The following MCTP1 variants were observed in gnomAD, a reference collection of about 807,000 sequenced individuals.
The protein encoded by MCTP1 is multiple C2 and transmembrane domain-containing protein 1.
In MCTP1, 69 loss-of-function variants were observed where a neutral mutation model predicts 120.6. The ratio of observed to expected loss-of-function variants is 0.57; its 90% CI spans 0.47 to 0.70. MCTP1 has a LOEUF of 0.70. Ranked by LOEUF, MCTP1 falls within the 30% of genes least tolerant of loss-of-function variation. The pLI is 0.00. For missense variants in MCTP1, 1,203 were observed against 1,248.8 expected, an observed-to-expected ratio of 0.96 and a Z score of 0.55; for synonymous variants, 529 against 493.1, an observed-to-expected ratio of 1.07 and a Z score of -0.96.
intron 1 of MCTP1, among the ~76,000 whole-genome samples, chr5:95,065,245 A>G (rs2152139064): frequency 6.6e-6 from 1 of 152,136 alleles, no homozygotes; most frequent in Non-Finnish European, 1.5e-5. Context: ...GTAGCATAAA[A>G]ATTTATCATT....
chr5:94,756,419 G>T (rs1016515048), intron 19 of MCTP1, among the ~76,000 whole-genome samples: 7 of 152,330 alleles, frequency 4.6e-5, no homozygotes, highest in African/African-American at 1.7e-4. Context: ...TTATGGGAAT[G>T]AAAAGGAGAG....
At chr5:95,080,600 G>T (rs1288540169) in intron 1 of MCTP1, among the ~76,000 whole-genome samples, 1 of 152,120 alleles carries the variant, frequency 6.6e-6, no homozygotes, top group Admixed American at 6.5e-5. Flanking sequence ...TTAAATATGA[G>T]TATGCAAAGT....
chr5:95,231,234 G>A (rs1754905058), intron 1 of MCTP1, among the ~76,000 whole-genome samples: 1 of 151,918 alleles, frequency 6.6e-6, no homozygotes, highest in Non-Finnish European at 1.5e-5. Context: ...ACACATTTAT[G>A]GTAATAAAGA....
rs192425815 is a variant in MCTP1, at chr5:95,203,665, G to C, written c.720+80191C>G. ...AATTCATAAGTTAGTAAGTACATGA[G>C]TGAGTGAAAGAAAGCCAGTAAAACA... On this transcript the variant is annotated intron_variant, in intron 1 of 22. Transcript: ENST00000515393. Among the ~76,000 whole-genome samples the C allele has an allele frequency of 2.7e-3, 414 of 152,318 alleles. 3 individuals are homozygous for C. The highest frequency in any genetic ancestry group is 4.4e-3 in the Non-Finnish European group (299 of 68,036).
intron 2 of MCTP1, among the ~76,000 whole-genome samples, chr5:94,986,956 C>T (rs1040306955): frequency 3.9e-5 from 6 of 152,168 alleles, no homozygotes; most frequent in African/African-American, 1.4e-4. Context: ...TATTTGCATA[C>T]AACCTACATG....
chr5:95,213,672 A>G (rs1752676410), intron 1 of MCTP1, among the ~76,000 whole-genome samples: 1 of 151,678 alleles, frequency 6.6e-6, no homozygotes, highest in Admixed American at 6.6e-5. Context: ...AGAGATATAG[A>G]TCAATGGAAC....
rs1316747303 is a variant in MCTP1 at position 94,923,984 on chromosome 5, G to C, written c.1250C>G (p.Ser417Cys). The change falls in exon 7 of 23, where the codon TCT (serine) becomes TGT (cysteine). Residue 417 changes from serine to cysteine, a missense_variant. By Grantham distance (112) the Ser-to-Cys change is moderately radical (BLOSUM62 -1). Around this residue, in one of 2 missense-constraint regions of MCTP1, gnomAD observed 740 missense variants for 871.1 expected, o/e 0.85. Coordinates refer to ENST00000515393, the MANE Select transcript of MCTP1 (RefSeq NM_024717.7). ...TACCCTCCAAAAGAGAGACTTCACA[G>C]AGAAATAAGATCCAACCACTTCATT... is the stretch of plus-strand genomic sequence containing the variant. ...SENEVVGSYF[S>C]VKSLFWRTCG... 5.9e-6 allele frequency: 9 copies of C among 1,523,856 alleles called. No individual in the cohort carries two copies. The highest frequency in any genetic ancestry group is 7.9e-6 in the Non-Finnish European group (9 of 1,141,184). The allele number at this position is 1,523,856 out of a possible 1,614,324, so 94.4% of individuals were successfully genotyped here. A position where few individuals can be genotyped will look rare whatever the true frequency, so the allele number is the denominator to read the frequency against.
chr5:95,115,270 C>A (rs1006810286), intron 1 of MCTP1, among the ~76,000 whole-genome samples: 1 of 151,992 alleles, frequency 6.6e-6, no homozygotes, highest in African/African-American at 2.4e-5. Flanking sequence ...ATAATCTCAC[C>A]AAATCAACTA....
In MCTP1 at chr5:95,229,610, G is replaced by A. The variant is rs531826333; in HGVS notation, c.720+54246C>T. Among the ~76,000 whole-genome samples, 102 of 152,096 alleles carry A rather than the reference G, an allele frequency of 6.7e-4. 1 individual carries two copies. The highest frequency in any genetic ancestry group is 2.4e-3 in the African/African-American group (101 of 41,492). ...AAAAATACACCACAGGTGTGGTGGCGGGCGCCTGTAATCTCAGCTACTCAA... is the reference window on the plus strand; with the variant it reads ...AAAAATACACCACAGGTGTGGTGGCAGGCGCCTGTAATCTCAGCTACTCAA... On this transcript the variant is annotated intron_variant, in intron 1 of 22. Transcript: ENST00000515393.
In MCTP1 at chr5:95,147,681, G is replaced by A. The variant is rs1048277062; in HGVS notation, c.721-130197C>T. Among the ~76,000 whole-genome samples the A allele has an allele frequency of 1.2e-4, 18 of 152,164 alleles. No homozygotes were observed. The East Asian group carries it at 2.5e-3, about 21-fold the overall frequency. ...TGCCACTCTATGCTTTTTAAGTGGG[G>A]GGCTTAGATCATTTATATTCATGGT... On this transcript the variant is annotated intron_variant, in intron 1 of 22. Coordinates refer to ENST00000515393, the MANE Select transcript of MCTP1 (RefSeq NM_024717.7).
intron 17 of MCTP1, among the ~76,000 whole-genome samples, chr5:94,859,646 C>T (rs1012416170): frequency 2.6e-5 from 4 of 151,674 alleles, no homozygotes; most frequent in Non-Finnish European, 5.9e-5. Flanking sequence ...CATACTGACA[C>T]TCTTTAAGTT....
chr5:95,005,795 CAG>C, intron 2 of MCTP1, among the ~76,000 whole-genome samples: 1 of 150,718 alleles, frequency 6.6e-6, no homozygotes, highest in African/African-American at 2.4e-5. Flanking sequence ...TACCAAGTCT[CAG>C]GTAGTTCTTT....
At chr5:95,242,723 A>G (rs1425288316) in intron 1 of MCTP1, among the ~76,000 whole-genome samples, 1 of 152,204 alleles carries the variant, frequency 6.6e-6, no homozygotes, top group African/African-American at 2.4e-5. Context: ...AAGTCAGATC[A>G]GTGGTAGCCT....
intron 18 of MCTP1, 64 bp downstream of exon 18, chr5:94,798,949 G>C: frequency 2.6e-6 from 4 of 1,530,736 alleles, no homozygotes; most frequent in Non-Finnish European, 3.5e-6. Context: ...ATTCAATGTT[G>C]ATCTTGTCAG....
chr5:94,708,216 T>A (rs938209473), intron 22 of MCTP1: 2 of 204,918 alleles, frequency 9.8e-6, no homozygotes, highest in African/African-American at 4.6e-5. Flanking sequence ...CCTGGTTTCC[T>A]CCCCTCAGGT....
chr5:95,075,966 G>A (rs966970567), intron 1 of MCTP1, among the ~76,000 whole-genome samples: 1 of 152,168 alleles, frequency 6.6e-6, no homozygotes, highest in Non-Finnish European at 1.5e-5. Context: ...ATTCTTTGCA[G>A]CTATTTACAC....
At chr5:95,271,981 T>C (rs1422426332) in intron 1 of MCTP1, among the ~76,000 whole-genome samples, 1 of 152,184 alleles carries the variant, frequency 6.6e-6, no homozygotes, top group Non-Finnish European at 1.5e-5. Context: ...AAGCCATTTG[T>C]AAAAATTATT....
At chr5:95,072,789 A>G (rs1483522453) in intron 1 of MCTP1, among the ~76,000 whole-genome samples, 1 of 113,556 alleles carries the variant, frequency 8.8e-6, no homozygotes, top group Admixed American at 1.4e-4. Flanking sequence ...TCTGTCGCCC[A>G]GGCTGGAGTG....
Position 94,898,426 on chromosome 5 carries a change from T to A in MCTP1, c.1653-3591A>T, listed in dbSNP as rs1019098713. Among the ~76,000 whole-genome samples, 6 of 152,204 alleles carry A rather than the reference T, an allele frequency of 3.9e-5. No individual in the cohort carries two copies. In the East Asian group the frequency reaches 1.2e-3, roughly 29 times the overall value. On this transcript the variant is annotated intron_variant, in intron 10 of 22. Coordinates refer to ENST00000515393, the MANE Select transcript of MCTP1 (RefSeq NM_024717.7). The stretch of plus-strand genomic sequence containing the variant: ...GTATCAAATCATATTGTTGCTGGCG[T>A]TGGCTGAGGAAAAAGCATTTGCTAC...
Sources: allele counts gnomAD v4.1 joint callset (sites outside exome capture counted in the v4.1 genomes callset), GRCh38; gene constraint gnomAD v4.1.1; regional missense constraint gnomAD v4.1.1; transcripts MANE v1.5; gene names NCBI Gene and HGNC (gene_info 2026-07-23, HGNC 2026-07-21).